Variants in ASIP observed in about 807,000 individuals in gnomAD.
ASIP encodes agouti signaling protein.
In ASIP, 11 loss-of-function variants were observed where a neutral mutation model predicts 10.3. The observed-to-expected ratio is 1.07, with a 90% CI of 0.68 to 1.78. The LOEUF (loss-of-function observed/expected upper bound fraction) is 1.78. ASIP is among the 40% of genes most tolerant of loss of function. ASIP has a pLI of 0.00. For missense variants in ASIP, 180 were observed against 169.2 expected (o/e 1.06, Z -0.35); for synonymous variants, 70 against 70.8 (o/e 0.99, Z 0.06).
At chr20:34,197,292 C>T (rs919417264) in intron 1 of ASIP, among the ~76,000 whole-genome samples, 6 of 151,994 alleles carry the variant, frequency 3.9e-5, no homozygotes, top group Admixed American at 1.3e-4. Context: ...ACTCAGGAGG[C>T]GGGGGTTGCG....
chr20:34,200,969 TTTCC>T (rs1179933802), intron 1 of ASIP, among the ~76,000 whole-genome samples: 4,005 of 72,826 alleles, frequency 0.055, 264 homozygotes, highest in African/African-American at 0.11. Context: ...TCTTTCTTTC[TTTCC>T]TTCCTTCCTT....
chr20:34,225,152 C>G (rs2035084078), intron 1 of ASIP, among the ~76,000 whole-genome samples: 1 of 146,882 alleles, frequency 6.8e-6, no homozygotes. Flanking sequence ...AGCGATTCTC[C>G]TACCTCAGCT....
intron 1 of ASIP, among the ~76,000 whole-genome samples, chr20:34,225,102 C>T (rs1472119744): frequency 2.2e-5 from 3 of 134,972 alleles, no homozygotes; most frequent in African/African-American, 8.3e-5. Context: ...AGTGCAATGG[C>T]ACAATCTCAG....
chr20:34,249,634 G>T (rs2035441021), intron 1 of ASIP, among the ~76,000 whole-genome samples: 1 of 152,086 alleles, frequency 6.6e-6, no homozygotes, highest in Non-Finnish European at 1.5e-5. Flanking sequence ...TTAACAAGGG[G>T]TCCTACATTT....
At chr20:34,235,841 GAAGGAAGGAAGGAAGGAAGGAAGGA>G (rs1409960802) in intron 1 of ASIP, among the ~76,000 whole-genome samples, 2 of 36,174 alleles carry the variant, frequency 5.5e-5, no homozygotes, top group African/African-American at 7.1e-4. Context: ...AAGAAAGAAA[GAAGGAAGGAAGGAAGGAAGGAAGGA>G]AAGGAAGGAA....
intron 1 of ASIP, chr20:34,246,216 T>A: frequency 6.8e-7 from 1 of 1,468,338 alleles, no homozygotes; most frequent in Non-Finnish European, 9.3e-7. Flanking sequence ...TGTGGTATGG[T>A]CTTCTTTTTT....
chr20:34,214,914 A>T (rs2034997647), intron 1 of ASIP: 3 of 1,498,946 alleles, frequency 2.0e-6, no homozygotes, highest in Non-Finnish European at 2.8e-6. Flanking sequence ...CCTCTTGAGC[A>T]TTCTTAATAT....
chr20:34,210,317 G>A (rs2034966222), intron 1 of ASIP, among the ~76,000 whole-genome samples: 2 of 152,204 alleles, frequency 1.3e-5, no homozygotes, highest in Admixed American at 1.3e-4. Context: ...CCGTCTTTGG[G>A]GCCCTGTGAC....
rs552718211 is a variant in ASIP at position 34,264,509 on chromosome 20, A to G, written c.222+1616A>G. Among the ~76,000 whole-genome samples, 10 of 152,308 alleles carry G rather than the reference A, an allele frequency of 6.6e-5. No homozygotes were observed. The South Asian group carries it at 2.1e-3, about 32-fold the overall frequency. ...CAAGGGACCCATACTAGGTGCTACT[A>G]GTGATTCTGGAAGTGTTCCCAAGAA... On this transcript the variant is annotated intron_variant, in intron 3 of 3. Transcript: ENST00000374954.
At chr20:34,197,569 C>A (rs557510823) in intron 1 of ASIP, among the ~76,000 whole-genome samples, 7 of 152,300 alleles carry the variant, frequency 4.6e-5, no homozygotes, top group South Asian at 2.1e-4. Context: ...GGGAAGTGTA[C>A]GCAGTGACCA....
chr20:34,225,690 T>A (rs1357218925), intron 1 of ASIP, among the ~76,000 whole-genome samples: 1 of 152,154 alleles, frequency 6.6e-6, no homozygotes, highest in Non-Finnish European at 1.5e-5. Context: ...CTGATTCATG[T>A]TTTTTCTCAT....
upstream of ASIP, among the ~76,000 whole-genome samples, chr20:34,236,996 T>G (rs765777997): frequency 1.1e-4 from 17 of 152,200 alleles, no homozygotes; most frequent in Non-Finnish European, 2.2e-4. Flanking sequence ...CTTGACACCT[T>G]TGTCAAAAAT....
At position 34,269,012 on chromosome 20, in the gene ASIP, G is replaced by A; in HGVS notation, c.244G>A (p.Val82Met). 6.2e-7 allele frequency: 1 copy of A among 1,608,024 alleles called. No individual in the cohort carries two copies. The highest frequency in any genetic ancestry group is 8.5e-7 in the Non-Finnish European group (1 of 1,177,852). Reference protein sequence around the residue: ...SSKKEASMKKVVRPRTPLSAP... With the variant: ...SSKKEASMKKMVRPRTPLSAP... Reference sequence around the variant, plus strand: ...GCAGAAGGAGGCTTCGATGAAGAAAGTGGTGCGGCCCCGGACCCCCCTATC... The same window carrying A: ...GCAGAAGGAGGCTTCGATGAAGAAAATGGTGCGGCCCCGGACCCCCCTATC... Residue 82 changes from valine to methionine, a missense_variant, in exon 4 of 4, where the codon GTG (valine) becomes ATG (methionine). Transcript: ENST00000374954.
upstream of ASIP, chr20:34,241,378 T>G: frequency 2.3e-6 from 2 of 869,528 alleles, no homozygotes; most frequent in Non-Finnish European, 2.8e-6. Flanking sequence ...GTAGTATGAT[T>G]GGTTGTTTTC....
intron 1 of ASIP, among the ~76,000 whole-genome samples, chr20:34,221,210 C>G (rs2035045101): frequency 6.6e-6 from 1 of 151,860 alleles, no homozygotes; most frequent in Admixed American, 6.6e-5. Context: ...AACCCCATCT[C>G]TACTAAAAAT....
At chr20:34,211,213 T>C (rs2034972630) in intron 1 of ASIP, among the ~76,000 whole-genome samples, 2 of 152,138 alleles carry the variant, frequency 1.3e-5, no homozygotes, top group African/African-American at 4.8e-5. Flanking sequence ...ATTTAATGTT[T>C]TATAGAGACA....
At chr20:34,222,790 C>T (rs920557463) in intron 1 of ASIP, among the ~76,000 whole-genome samples, 4 of 151,952 alleles carry the variant, frequency 2.6e-5, no homozygotes, top group African/African-American at 7.3e-5. Flanking sequence ...AGGCACGCGC[C>T]GCCACGCCTG....
chr20:34,216,879 T>C (rs773334575), intron 1 of ASIP, among the ~76,000 whole-genome samples: 7 of 152,230 alleles, frequency 4.6e-5, no homozygotes, highest in Non-Finnish European at 8.8e-5. Context: ...CTAGGTCCTT[T>C]GCATTTCCAT....
At chr20:34,219,423 A>C (rs1235985149) in intron 1 of ASIP, among the ~76,000 whole-genome samples, 1 of 152,252 alleles carries the variant, frequency 6.6e-6, no homozygotes, top group Non-Finnish European at 1.5e-5. Flanking sequence ...ACCCAAGACC[A>C]GGAGCTAGTG....
Sources: gnomAD v4.1 joint callset for allele counts (sites outside exome capture counted in the v4.1 genomes callset) on GRCh38, gnomAD v4.1.1 for gene constraint, MANE v1.5 for transcripts, NCBI Gene and HGNC (gene_info 2026-07-23, HGNC 2026-07-21) for gene names.